ETV6: variants seen among roughly 807,000 people sequenced by gnomAD.
ETV6 encodes transcription factor ETV6.
In ETV6, 16 loss-of-function variants were observed where a neutral mutation model predicts 51.1. The observed-to-expected ratio is 0.31, with a 90% confidence interval of 0.21 to 0.48. The LOEUF is 0.48. ETV6 is among the 20% of genes least tolerant of loss of function. The pLI, the probability that ETV6 is intolerant of heterozygous loss-of-function variation, is 0.99. For missense variants in ETV6, 458 were observed against 594.8 expected, an observed-to-expected ratio of 0.77 and a Z score of 2.39; for synonymous variants, 240 against 224.1, an observed-to-expected ratio of 1.07 and a Z score of -0.64.
intron 5 of ETV6, among the ~76,000 whole-genome samples, chr12:11,878,838 A>C (rs901613229): frequency 2.0e-5 from 3 of 150,308 alleles, no homozygotes; most frequent in African/African-American, 4.9e-5. Context: ...GAAAAAAAAA[A>C]AAAACAAGCA....
Position 11,891,679 on chromosome 12 carries a change from G to A in ETV6, c.*633G>A, listed in dbSNP as rs945755605. ...CTCTCTCTTGCTCTGTTCTTCCCTT[G>A]GTCCCCTCTGTCCTCCCGCCCTGCC... On this transcript the variant is annotated 3_prime_UTR_variant, in exon 8 of 8. Transcript: ENST00000396373. The A allele has an allele frequency of 1.4e-5, 7 of 501,558 alleles. No individual in the cohort carries two copies. Among genetic ancestry groups the A allele is most frequent in the Non-Finnish European group, 2.3e-5 (6 of 261,552 alleles). The allele number at this position is 501,558 out of a possible 1,614,324, so 31.1% of individuals were successfully genotyped here.
rs761341064 is a variant in ETV6, at chr12:11,839,147, G to T, written c.171G>T (p.Gln57His). The T allele has an allele frequency of 6.2e-6, 10 of 1,613,804 alleles. No individual in the cohort carries two copies. The highest frequency in any genetic ancestry group is 8.5e-6 in the Non-Finnish European group (10 of 1,179,724). Residue 57 changes from glutamine to histidine, a missense_variant, in exon 3 of 8, where the codon CAG becomes CAT. Coordinates refer to ENST00000396373, the MANE Select transcript of ETV6 (RefSeq NM_001987.5). ...SIRLPAHLRLQPIYWSRDDVA... is the reference protein window; with the variant it reads ...SIRLPAHLRLHPIYWSRDDVA... ...TCATGCTCTCTCCAACAGGCTTGCA[G>T]CCAATTTACTGGAGCAGGGATGACG...
At chr12:11,684,679 G>T (rs1864593994) in intron 1 of ETV6, among the ~76,000 whole-genome samples, 1 of 152,094 alleles carries the variant, frequency 6.6e-6, no homozygotes, top group African/African-American at 2.4e-5. Context: ...ACTTCAGGTT[G>T]TGTCTTTAAC....
chr12:11,769,434 T>A (rs1307701348), intron 2 of ETV6, among the ~76,000 whole-genome samples: 3 of 151,296 alleles, frequency 2.0e-5, no homozygotes, highest in Non-Finnish European at 2.9e-5. Context: ...CAGGAGAAAA[T>A]CTGAGAAGAA....
At chr12:11,724,339 C>A (rs10772501) in intron 1 of ETV6, among the ~76,000 whole-genome samples, 139,856 of 152,264 alleles carry the variant, frequency 0.92, 65,234 homozygotes, top group Non-Finnish European at 1. Flanking sequence ...GCTGCAAGGC[C>A]TGTTCGTGGA....
intron 5 of ETV6, among the ~76,000 whole-genome samples, chr12:11,875,372 C>T (rs906505602): frequency 6.6e-6 from 1 of 152,168 alleles, no homozygotes; most frequent in African/African-American, 2.4e-5. Context: ...AAAAAGTTGC[C>T]TCTTTCTGTG....
At chr12:11,789,316 G>A (rs941376942) in intron 2 of ETV6, among the ~76,000 whole-genome samples, 6 of 152,124 alleles carry the variant, frequency 3.9e-5, no homozygotes, top group Admixed American at 3.9e-4. Flanking sequence ...ACAGGGGTGA[G>A]CCACGATCGT....
chr12:11,854,283 G>C (rs1946600089), intron 4 of ETV6, among the ~76,000 whole-genome samples: 1 of 152,054 alleles, frequency 6.6e-6, no homozygotes, highest in African/African-American at 2.4e-5. Flanking sequence ...ACGAGCAGTG[G>C]GGAGCAGCTC....
intron 1 of ETV6, among the ~76,000 whole-genome samples, chr12:11,741,327 T>C (rs1007743859): frequency 1.3e-5 from 2 of 152,164 alleles, no homozygotes; most frequent in African/African-American, 4.8e-5. Flanking sequence ...CTCCAATCTC[T>C]CCATTCTCCA....
At chr12:11,858,853 A>G (rs1376788128) in intron 4 of ETV6, among the ~76,000 whole-genome samples, 1 of 152,174 alleles carries the variant, frequency 6.6e-6, no homozygotes, top group Non-Finnish European at 1.5e-5. Flanking sequence ...CAAGCATCGA[A>G]GTGCAATTGA....
chr12:11,762,352 T>TA (rs1945098673), intron 2 of ETV6, among the ~76,000 whole-genome samples: 2 of 152,210 alleles, frequency 1.3e-5, no homozygotes, highest in Non-Finnish European at 2.9e-5. Flanking sequence ...ACTGTGTGAT[T>TA]AGCGGCAATC....
intron 4 of ETV6, among the ~76,000 whole-genome samples, chr12:11,866,069 C>A (rs956570940): frequency 6.6e-6 from 1 of 152,130 alleles, no homozygotes; most frequent in Non-Finnish European, 1.5e-5. Flanking sequence ...GTTTGGATTT[C>A]ATTTTTACTG....
intron 2 of ETV6, among the ~76,000 whole-genome samples, chr12:11,788,744 G>A (rs1427745978): frequency 7.0e-6 from 1 of 141,938 alleles, no homozygotes; most frequent in Non-Finnish European, 1.5e-5. Flanking sequence ...CTTAAATCAC[G>A]TGCTTGTATT....
Position 11,869,532 on chromosome 12 carries a change from G to A in ETV6, c.572G>A (p.Arg191Gln), listed in dbSNP as rs201820837. 3.1e-6 allele frequency: 5 copies of A among 1,613,988 alleles called. No individual in the cohort carries two copies. The South Asian group carries it at 5.5e-5, about 18-fold the overall frequency. ...RSRSPITTNH[R>Q]PSPDPEQRPL... ...AGGTCACCTATCACGACAAATCACC[G>A]GCCTTCTCCTGACCCCGAGCAGCGG... Residue 191 changes from arginine (R) to glutamine (Q), a missense_variant, in exon 5 of 8, where the codon CGG (arginine) becomes CAG (glutamine). Transcript: ENST00000396373. The surrounding 1 kb of genome is among the most constrained non-coding windows in gnomAD (Gnocchi z 5.0).
intron 1 of ETV6, among the ~76,000 whole-genome samples, chr12:11,741,148 T>C (rs553604928): frequency 5.6e-4 from 86 of 152,328 alleles, no homozygotes; most frequent in African/African-American, 2.0e-3. Context: ...GAGTTGATAG[T>C]GCAGTGTGCA....
intron 1 of ETV6, among the ~76,000 whole-genome samples, chr12:11,695,357 T>C (rs1470761134): frequency 6.6e-6 from 1 of 152,190 alleles, no homozygotes; most frequent in Non-Finnish European, 1.5e-5. Context: ...GCAAGGACCA[T>C]TGCTGTTAGG....
chr12:11,855,423 G>A (rs966049190), intron 4 of ETV6, among the ~76,000 whole-genome samples: 1 of 152,174 alleles, frequency 6.6e-6, no homozygotes, highest in South Asian at 2.1e-4. Flanking sequence ...CCTCCTGCTC[G>A]GATTGGTCAG....
chr12:11,735,142 C>CTATTTCT (rs1865679982), intron 1 of ETV6, among the ~76,000 whole-genome samples: 1 of 131,956 alleles, frequency 7.6e-6, no homozygotes, highest in Admixed American at 8.5e-5. Context: ...TCCAAGCCTC[C>CTATTTCT]TATTTCTTCA....
At chr12:11,728,034 GT>G (rs1865522484) in intron 1 of ETV6, among the ~76,000 whole-genome samples, 1 of 152,066 alleles carries the variant, frequency 6.6e-6, no homozygotes, top group African/African-American at 2.4e-5. Flanking sequence ...TGGCCAGGCG[GT>G]TCTCGAACTC....
Sources: gnomAD v4.1 joint callset for allele counts (sites outside exome capture counted in the v4.1 genomes callset) on GRCh38, gnomAD v4.1.1 for gene constraint, Gnocchi (gnomAD v3.1) non-coding constraint, MANE v1.5 for transcripts, NCBI Gene and HGNC (gene_info 2026-07-23, HGNC 2026-07-21) for gene names.